The following AATK variants were observed in gnomAD, a reference collection of about 807,000 sequenced individuals.
AATK encodes lemur tail kinase 1.
AATK carries 91 observed loss-of-function variants against 114.3 expected under a neutral mutation model. That is an observed-to-expected ratio of 0.80 (90% CI 0.67 to 0.95). The LOEUF is 0.95. Among genes scored for constraint, AATK ranks in the 40% least tolerant of loss-of-function variants. AATK has a pLI of 0.00. For missense variants in AATK, 2,176 were observed against 1,965.2 expected (o/e 1.11, Z -2.03); for synonymous variants, 1,075 against 916.5 (o/e 1.17, Z -3.12).
At chr17:81,130,756 C>G (rs2060918222) in intron 3 of AATK, among the ~76,000 whole-genome samples, 1 of 152,066 alleles carries the variant, frequency 6.6e-6, no homozygotes, top group African/African-American at 2.4e-5. Context: ...CCACCCCTGT[C>G]CCTGTGCATA....
At chr17:81,160,382 C>G in intron 1 of AATK, 2 of 377,600 alleles carry the variant, frequency 5.3e-6, no homozygotes, top group Non-Finnish European at 7.3e-6. Flanking sequence ...AGGCTGGAGA[C>G]CCGGCGAGGA....
At chr17:81,134,341 A>G (rs4969397) in intron 2 of AATK, 27 bp downstream of exon 2, 1,332,163 of 1,611,340 alleles carry the variant, frequency 0.83, 552,014 homozygotes, top group East Asian at 0.99. Flanking sequence ...GGATCCCACG[A>G]CAGCTCCCGC....
chr17:81,131,402 C>T (rs1357982112), intron 2 of AATK, among the ~76,000 whole-genome samples, 197 bp from the exon 3 acceptor site: 1 of 152,202 alleles, frequency 6.6e-6, no homozygotes, highest in Non-Finnish European at 1.5e-5. Flanking sequence ...TCTGTCTCCT[C>T]TTGCTGACCC....
intron 4 of AATK, 26 bp downstream of exon 4, chr17:81,128,444 T>TCCTCCCTCCCAGGCGGGACA: frequency 6.5e-7 from 1 of 1,547,648 alleles, no homozygotes; most frequent in Non-Finnish European, 8.7e-7. Flanking sequence ...CAGGCGGGAG[T>TCCTCCCTCCCAGGCGGGACA]CCTCCCTCCC....
At chr17:81,142,757 C>T (rs2061157095) in intron 1 of AATK, among the ~76,000 whole-genome samples, 1 of 152,174 alleles carries the variant, frequency 6.6e-6, no homozygotes, top group Admixed American at 6.5e-5. Context: ...CCTCCCTGAG[C>T]AGTAAGGACC....
intron 1 of AATK, among the ~76,000 whole-genome samples, chr17:81,143,748 G>A (rs552325476): frequency 9.6e-4 from 146 of 152,324 alleles, no homozygotes; most frequent in African/African-American, 2.9e-3. Flanking sequence ...TGATCCCCAC[G>A]GGGTAAGGCG....
At chr17:81,161,574 G>A (rs758174347) in intron 1 of AATK, among the ~76,000 whole-genome samples, 11 of 152,316 alleles carry the variant, frequency 7.2e-5, no homozygotes, top group Middle Eastern at 3.4e-3. Context: ...TGGTGGGTGA[G>A]TGCAGAGAGG....
At chr17:81,138,453 G>T (rs1402427831) in intron 1 of AATK, among the ~76,000 whole-genome samples, 1 of 24,428 alleles carries the variant, frequency 4.1e-5, no homozygotes, top group African/African-American at 9.3e-5. Context: ...ACAGATGCAT[G>T]TGCACACACA....
Position 81,122,302 on chromosome 17 carries a change from G to A in AATK, c.1634C>T (p.Pro545Leu). The A allele has an allele frequency of 6.6e-7, 1 of 1,510,130 alleles. No individual in the cohort carries two copies. The highest frequency in any genetic ancestry group is 2.6e-5 in the East Asian group (1 of 38,512). 93.5% of individuals were successfully genotyped at this position (1,510,130 alleles called of 1,614,324 possible). A position where few individuals can be genotyped will look rare whatever the true frequency, so the allele number is the denominator to read the frequency against. Reference protein sequence around the residue: ...EEAAPAAGHDPDCAGCAPSPP... With the variant: ...EEAAPAAGHDLDCAGCAPSPP... ...ACTGGGGGCGCAGCCGGCGCAGTCA[G>A]GGTCGTGGCCGGCGGCGGGTGCGGC... Residue 545 changes from proline (P) to leucine (L), a missense_variant, in exon 11 of 14, where the codon CCT becomes CTT. Around this residue, in one of 4 missense-constraint regions of AATK, gnomAD observed 1,701 missense variants for 1,394.7 expected, o/e 1.22. Coordinates refer to ENST00000326724, the MANE Select transcript of AATK (RefSeq NM_001080395.3).
At chr17:81,135,863 A>G (rs2061001750) in intron 1 of AATK, 1 of 152,474 alleles carries the variant, frequency 6.6e-6, no homozygotes, top group Non-Finnish European at 1.5e-5. Context: ...CCAGCAAAGC[A>G]AGACCTGGGT....
chr17:81,149,554 G>A (rs1337584527), intron 1 of AATK, among the ~76,000 whole-genome samples: 3 of 151,970 alleles, frequency 2.0e-5, no homozygotes, highest in Non-Finnish European at 4.4e-5. Context: ...ACGCCTCCCC[G>A]GGGATCTGCA....
intron 3 of AATK, among the ~76,000 whole-genome samples, chr17:81,130,291 G>A (rs1045743194): frequency 6.6e-6 from 1 of 152,176 alleles, no homozygotes; most frequent in Non-Finnish European, 1.5e-5. Flanking sequence ...TTCCTGGGAG[G>A]GGGCTTGAGA....
In AATK at chr17:81,118,305, C is replaced by G. The variant is rs1237615315; in HGVS notation, c.*97G>C. On this transcript the variant is annotated 3_prime_UTR_variant, in exon 14 of 14. Coordinates refer to ENST00000326724, the MANE Select transcript of AATK (RefSeq NM_001080395.3). The stretch of plus-strand genomic sequence containing the variant: ...CACCTGAATCTGCTGCCAACAGCCA[C>G]CAGGACGTGGTCCCCACCTTCTCGG... 6 of 1,328,134 alleles carry G rather than the reference C, an allele frequency of 4.5e-6. No individual in the cohort carries two copies. Among genetic ancestry groups the G allele is most frequent in the Non-Finnish European group, 4.2e-6 (4 of 958,308 alleles). The allele number at this position is 1,328,134 out of a possible 1,614,324, so 82.3% of individuals were successfully genotyped here.
In AATK at chr17:81,126,870, G is replaced by A; in HGVS notation, c.622-310C>T. The A allele has an allele frequency of 8.4e-7, 1 of 1,184,410 alleles. No individual in the cohort carries two copies. Among genetic ancestry groups the A allele is most frequent in the African/African-American group, 1.6e-5 (1 of 64,414 alleles). 73.4% of individuals were successfully genotyped at this position (1,184,410 alleles called of 1,614,324 possible). A position where few individuals can be genotyped will look rare whatever the true frequency, so the allele number is the denominator to read the frequency against. ...CAAGTGGATCTGCTTGATGGAGTCT[G>A]GGGCTGGTGGTCGAGGGTTGGCCGG... On this transcript the variant is annotated intron_variant, in intron 6 of 13. Transcript: ENST00000326724. This position sits in a 1 kb window ranked among gnomAD's most constrained non-coding sequence, Gnocchi z 5.1.
At chr17:81,160,483 G>A (rs894858581) in intron 1 of AATK, among the ~76,000 whole-genome samples, 1 of 152,212 alleles carries the variant, frequency 6.6e-6, no homozygotes, top group African/African-American at 2.4e-5. Context: ...TTCCTCTGCG[G>A]GGGGGCGGGG....
chr17:81,122,092 C>G lies in AATK; in HGVS notation c.1844G>C (p.Gly615Ala). ...TCCTCCCTCCGCCAGACTCAGGGGC[C>G]CCGCCGAGGGCGAGGGAGAGCGTGA... ...CPSRSPSPSA[G>A]PLSLAEGGAE... Residue 615 changes from glycine (G) to alanine (A), a missense_variant, in exon 11 of 14, where the codon GGG becomes GCG. Gly to Ala is a moderately conservative substitution (Grantham distance 60). Around this residue, in one of 4 missense-constraint regions of AATK, gnomAD observed 1,701 missense variants for 1,394.7 expected, o/e 1.22. Coordinates refer to ENST00000326724, the MANE Select transcript of AATK (RefSeq NM_001080395.3). The G allele has an allele frequency of 3.2e-6, 5 of 1,579,136 alleles. 1 individual carries two copies. In the South Asian group the frequency reaches 5.6e-5, roughly 18 times the overall value.
At chr17:81,128,573 G>A (rs1337858378) in intron 3 of AATK, 24 bp from the exon 4 acceptor site, 1 of 1,548,422 alleles carries the variant, frequency 6.5e-7, no homozygotes, top group Non-Finnish European at 8.7e-7. Context: ...GGGGGTTCAG[G>A]GACCCAGTGT....
chr17:81,147,781 C>T (rs756768710), intron 1 of AATK, among the ~76,000 whole-genome samples: 18 of 151,964 alleles, frequency 1.2e-4, no homozygotes, highest in East Asian at 1.2e-3. Context: ...TTTAAACAAA[C>T]GGGAAGATAT....
At chr17:81,131,865 C>CAGAGCCA (rs1183006661) in intron 2 of AATK, 1 of 1,307,704 alleles carries the variant, frequency 7.6e-7, no homozygotes, top group Non-Finnish European at 1.0e-6. Flanking sequence ...TCTGGGAGCC[C>CAGAGCCA]AGAGCCAACC....
Sources: gnomAD v4.1 joint callset for allele counts (sites outside exome capture counted in the v4.1 genomes callset) on GRCh38, gnomAD v4.1.1 for gene constraint, gnomAD v4.1.1 regional missense constraint, Gnocchi (gnomAD v3.1) non-coding constraint, MANE v1.5 for transcripts, NCBI Gene and HGNC (gene_info 2026-07-23, HGNC 2026-07-21) for gene names.